PRTFDC1: variants seen among roughly 807,000 people sequenced by gnomAD.
PRTFDC1 encodes the protein phosphoribosyltransferase domain-containing protein 1.
PRTFDC1 carries 38 observed loss-of-function variants against 34.6 expected under a neutral mutation model. That is an observed-to-expected ratio of 1.10 (90% CI 0.85 to 1.44). The LOEUF is 1.44. Among genes scored for constraint, PRTFDC1 ranks in the 40% most tolerant of loss-of-function variants. The probability of loss-of-function intolerance (pLI) is 0.00; values close to 1 mark genes in which losing one functional copy is unlikely to be tolerated. For synonymous variants in PRTFDC1, 93 were observed against 98.1 expected (o/e 0.95, Z 0.31); for missense variants, 270 against 283.0 (o/e 0.95, Z 0.33).
rs1426210070 is a variant in PRTFDC1 at position 24,895,182 on chromosome 10, G to C, written c.340-23119C>G. On this transcript the variant is annotated intron_variant, in intron 3 of 8. Transcript: ENST00000320152. ...CTTTGTACCAGATTTAAATTAGAAA[G>C]CTATATCCTGCAAAACATTCTATTT... 2.6e-5 allele frequency among the ~76,000 whole-genome samples: 4 copies of C among 151,196 alleles called. 1 individual carries two copies. The highest frequency in any genetic ancestry group is 9.7e-5 in the African/African-American group (4 of 41,062).
intron 3 of PRTFDC1, chr10:24,908,449 C>T: frequency 1.3e-6 from 2 of 1,567,846 alleles, no homozygotes; most frequent in Non-Finnish European, 1.7e-6. Context: ...GGCTTGAAGA[C>T]AGTGAGCCCT....
At chr10:24,886,317 G>C (rs1296660505) in intron 3 of PRTFDC1, among the ~76,000 whole-genome samples, 1 of 152,160 alleles carries the variant, frequency 6.6e-6, no homozygotes, top group Non-Finnish European at 1.5e-5. Flanking sequence ...AATATTATGA[G>C]ACAAGGAACA....
intron 3 of PRTFDC1, among the ~76,000 whole-genome samples, chr10:24,880,383 G>A (rs545634493): frequency 4.1e-4 from 63 of 152,042 alleles, no homozygotes; most frequent in African/African-American, 1.3e-3. Flanking sequence ...CTCCCAGGTA[G>A]CTGGGATTAC....
chr10:24,909,945 GT>G (rs1848601367), intron 3 of PRTFDC1, among the ~76,000 whole-genome samples: 1 of 150,950 alleles, frequency 6.6e-6, no homozygotes, highest in South Asian at 2.1e-4. Flanking sequence ...GAGGTCGGGA[GT>G]TTGAGACAAG....
intron 3 of PRTFDC1, among the ~76,000 whole-genome samples, chr10:24,880,601 T>G (rs1013114488): frequency 6.6e-6 from 1 of 152,236 alleles, no homozygotes; most frequent in African/African-American, 2.4e-5. Flanking sequence ...TAGGGTTTAC[T>G]GAGGTGGACT....
At chr10:24,873,989 C>T (rs1036438105) in intron 3 of PRTFDC1, among the ~76,000 whole-genome samples, 5 of 151,224 alleles carry the variant, frequency 3.3e-5, no homozygotes, top group African/African-American at 4.9e-5. Flanking sequence ...TTCACTGCTG[C>T]CTCAAACTCC....
intron 7 of PRTFDC1, among the ~76,000 whole-genome samples, chr10:24,853,098 G>C (rs778436564): frequency 6.6e-6 from 1 of 152,006 alleles, no homozygotes; most frequent in African/African-American, 2.4e-5. Context: ...AAGTTACATT[G>C]AGGAGAAAAG....
chr10:24,876,435 AC>A, intron 3 of PRTFDC1, among the ~76,000 whole-genome samples: 1 of 152,160 alleles, frequency 6.6e-6, no homozygotes. Flanking sequence ...GTGGCTCACA[AC>A]TGTAATCCCA....
chr10:24,854,719 T>G (rs1232690382), intron 7 of PRTFDC1, among the ~76,000 whole-genome samples: 2 of 152,100 alleles, frequency 1.3e-5, no homozygotes, highest in Non-Finnish European at 2.9e-5. Flanking sequence ...TGAAGTCAAG[T>G]GTGAAGATGG....
Position 24,857,908 on chromosome 10 carries a change from C to T in PRTFDC1, c.423+484G>A, listed in dbSNP as rs144953321. On this transcript the variant is annotated intron_variant, in intron 5 of 8. Coordinates refer to ENST00000320152, the MANE Select transcript of PRTFDC1 (RefSeq NM_020200.7). ...AACAAAAGTTAAAAAAAACGAAAAACGAAAAACAAAAAAACATAGCTTTCC... is the reference window on the plus strand; with the variant it reads ...AACAAAAGTTAAAAAAAACGAAAAATGAAAAACAAAAAAACATAGCTTTCC... Among the ~76,000 whole-genome samples the T allele has an allele frequency of 3.2e-3, 489 of 151,766 alleles. 2 individuals carry two copies. The highest frequency in any genetic ancestry group is 0.011 in the African/African-American group (450 of 41,400).
intron 3 of PRTFDC1, among the ~76,000 whole-genome samples, chr10:24,914,721 G>A (rs1339750111): frequency 6.6e-6 from 1 of 152,156 alleles, no homozygotes; most frequent in Admixed American, 6.5e-5. Flanking sequence ...CATAATAAAT[G>A]CCTTTTAAAG....
Position 24,940,076 on chromosome 10 carries a change from A to G in PRTFDC1, c.155+2254T>C, listed in dbSNP as rs79914466. ...AGTGTCAAAAACCTAATAGAACTGC[A>G]AGGAGAAACAGGCAAATGCACTATT... On this transcript the variant is annotated intron_variant, in intron 2 of 8. Coordinates refer to ENST00000320152, the MANE Select transcript of PRTFDC1 (RefSeq NM_020200.7). Among the ~76,000 whole-genome samples the G allele has an allele frequency of 4.1e-3, 624 of 152,302 alleles. 7 individuals are homozygous for G. Among genetic ancestry groups the G allele is most frequent in the African/African-American group, 0.014 (566 of 41,558 alleles).
chr10:24,928,883 C>CA (rs1181771845), intron 3 of PRTFDC1, among the ~76,000 whole-genome samples: 20 of 151,100 alleles, frequency 1.3e-4, no homozygotes, highest in Non-Finnish European at 2.7e-4. Context: ...TAAAAAACTA[C>CA]AAAAAAATTA....
intron 3 of PRTFDC1, among the ~76,000 whole-genome samples, chr10:24,884,828 A>G (rs990171832): frequency 4.0e-4 from 61 of 152,306 alleles, no homozygotes; most frequent in African/African-American, 1.4e-3. Context: ...CGGCCTCCCC[A>G]GATAATGATG....
chr10:24,939,071 T>G (rs908176685), intron 2 of PRTFDC1, among the ~76,000 whole-genome samples: 5 of 151,844 alleles, frequency 3.3e-5, no homozygotes, highest in African/African-American at 1.2e-4. Context: ...CACAGTGAGG[T>G]GGGCAGATCT....
At chr10:24,945,783 T>G (rs1588627998) in intron 1 of PRTFDC1, among the ~76,000 whole-genome samples, 1 of 152,172 alleles carries the variant, frequency 6.6e-6, no homozygotes, top group South Asian at 2.1e-4. Flanking sequence ...TTGAAAAGTG[T>G]CTCGTTTGCT....
At chr10:24,854,809 C>T (rs1847545033) in intron 7 of PRTFDC1, among the ~76,000 whole-genome samples, 1 of 152,150 alleles carries the variant, frequency 6.6e-6, no homozygotes, top group South Asian at 2.1e-4. Flanking sequence ...TCTTAGATTT[C>T]CCCTTCTGTG....
At chr10:24,857,628 G>T (rs1847604847) in intron 5 of PRTFDC1, among the ~76,000 whole-genome samples, 1 of 152,156 alleles carries the variant, frequency 6.6e-6, no homozygotes, top group Non-Finnish European at 1.5e-5. Context: ...CAAAACAACA[G>T]GTCTGAATGT....
At chr10:24,899,374 T>C (rs886403022) in intron 3 of PRTFDC1, among the ~76,000 whole-genome samples, 4 of 152,176 alleles carry the variant, frequency 2.6e-5, no homozygotes, top group Admixed American at 2.6e-4. Context: ...AAGGCATTCC[T>C]TTGTGACTGT....
Sources: gnomAD v4.1 joint callset for allele counts (sites outside exome capture counted in the v4.1 genomes callset) on GRCh38, gnomAD v4.1.1 for gene constraint, MANE v1.5 for transcripts, NCBI Gene and HGNC (gene_info 2026-07-23, HGNC 2026-07-21) for gene names.